FARP1: variants seen among roughly 807,000 people sequenced by gnomAD.
FARP1 encodes the protein FERM, ARHGEF and pleckstrin domain-containing protein 1.
FARP1 carries 52 observed loss-of-function variants against 128.8 expected under a neutral mutation model. The observed-to-expected ratio is 0.40, with a 90% CI of 0.32 to 0.51. The LOEUF is 0.51. Ranked by LOEUF, FARP1 falls within the 20% of genes least tolerant of loss-of-function variation. FARP1 has a pLI of 0.45. For missense variants in FARP1, 1,333 were observed against 1,367.9 expected, an observed-to-expected ratio of 0.97 and a Z score of 0.40; for synonymous variants, 580 against 551.8, an observed-to-expected ratio of 1.05 and a Z score of -0.72.
chr13:98,183,140 T>G (rs1005641402), intron 1 of FARP1, among the ~76,000 whole-genome samples: 1 of 152,234 alleles, frequency 6.6e-6, no homozygotes, highest in Non-Finnish European at 1.5e-5. Flanking sequence ...CATCTATTCT[T>G]ATTATCATTT....
Position 98,343,822 on chromosome 13 carries a change from G to C in FARP1, c.232G>C (p.Gly78Arg). The C allele has an allele frequency of 6.2e-7, 1 of 1,613,878 alleles. No individual in the cohort carries two copies. The highest frequency in any genetic ancestry group is 1.1e-5 in the South Asian group (1 of 91,076). ...AVCNHLNLVE[G>R]DYFGLEFPDH... ...TTGCAACCACCTCAACCTCGTGGAA[G>C]GTGACTATTTTGGCCTCGAGTTTCC... Residue 78 changes from glycine to arginine, a missense_variant, in exon 3 of 27, where the codon GGT (glycine) becomes CGT (arginine). Physicochemically the swap from Gly to Arg is moderately radical, Grantham distance 125. Transcript: ENST00000319562.
At chr13:98,415,787 C>A (rs1891351809) in intron 16 of FARP1, among the ~76,000 whole-genome samples, 1 of 152,260 alleles carries the variant, frequency 6.6e-6, no homozygotes, top group Admixed American at 6.5e-5. Context: ...TATGTGTACC[C>A]ATGCCTTTCC....
At chr13:98,209,583 G>C (rs1880533846) in intron 1 of FARP1, among the ~76,000 whole-genome samples, 1 of 143,274 alleles carries the variant, frequency 7.0e-6, no homozygotes, top group Non-Finnish European at 1.5e-5. Flanking sequence ...GATTACTTGA[G>C]GTCAGGAGTT....
chr13:98,320,397 A>G (rs1886938235), intron 2 of FARP1, among the ~76,000 whole-genome samples: 1 of 152,212 alleles, frequency 6.6e-6, no homozygotes, highest in Admixed American at 6.5e-5. Context: ...ACTTGGGAAT[A>G]ACACCTGTGC....
chr13:98,162,427 T>C (rs1472372054), intron 1 of FARP1, among the ~76,000 whole-genome samples: 1 of 152,208 alleles, frequency 6.6e-6, no homozygotes, highest in Non-Finnish European at 1.5e-5. Context: ...TGTTTGCGTT[T>C]GTGCCGCTAT....
intron 2 of FARP1, among the ~76,000 whole-genome samples, chr13:98,308,542 G>A (rs369539866): frequency 2.6e-5 from 4 of 152,296 alleles, no homozygotes; most frequent in African/African-American, 7.2e-5. Context: ...CTGAGACATG[G>A]CTCCTCCAGA....
intron 2 of FARP1, among the ~76,000 whole-genome samples, chr13:98,254,049 G>C (rs1883475623): frequency 6.6e-6 from 1 of 152,142 alleles, no homozygotes; most frequent in South Asian, 2.1e-4. Context: ...GATCATTTCA[G>C]GGTTCTGAGA....
intron 1 of FARP1, among the ~76,000 whole-genome samples, chr13:98,190,055 C>G (rs546115592): frequency 6.6e-6 from 1 of 152,226 alleles, no homozygotes. Flanking sequence ...GTCCCTCCCC[C>G]TCATCCCTGC....
At chr13:98,193,530 C>T (rs187391470) in intron 1 of FARP1, among the ~76,000 whole-genome samples, 1 of 152,270 alleles carries the variant, frequency 6.6e-6, no homozygotes, top group African/African-American at 2.4e-5. Flanking sequence ...GTTTTCTTAT[C>T]CAAAAATAGG....
intron 1 of FARP1, among the ~76,000 whole-genome samples, chr13:98,182,983 C>G (rs916474621): frequency 6.6e-6 from 1 of 152,128 alleles, no homozygotes; most frequent in Non-Finnish European, 1.5e-5. Context: ...CTGGTATGTC[C>G]TATACCATAA....
intron 2 of FARP1, chr13:98,234,658 G>T (rs1334405462): frequency 6.6e-6 from 1 of 152,094 alleles, no homozygotes; most frequent in Non-Finnish European, 1.5e-5. Flanking sequence ...AAATATGTTT[G>T]CTTGCTCTTA....
At chr13:98,269,741 A>G (rs1332734139) in intron 2 of FARP1, among the ~76,000 whole-genome samples, 1 of 152,222 alleles carries the variant, frequency 6.6e-6, no homozygotes, top group Non-Finnish European at 1.5e-5. Flanking sequence ...TACTGGGACT[A>G]TATTGCCTGA....
chr13:98,230,765 T>C (rs942361163), intron 2 of FARP1, among the ~76,000 whole-genome samples: 3 of 152,206 alleles, frequency 2.0e-5, no homozygotes, highest in African/African-American at 7.2e-5. Context: ...AGGAGATGCA[T>C]GCAGAAACAG....
At chr13:98,147,190 T>A in intron 1 of FARP1, among the ~76,000 whole-genome samples, 1 of 152,240 alleles carries the variant, frequency 6.6e-6, no homozygotes, top group Non-Finnish European at 1.5e-5. Context: ...GTGGATACTT[T>A]GAGCAAAAGT....
chr13:98,306,779 C>T (rs1886186884), intron 2 of FARP1, among the ~76,000 whole-genome samples: 1 of 152,168 alleles, frequency 6.6e-6, no homozygotes, highest in South Asian at 2.1e-4. Flanking sequence ...CTATGTTGGC[C>T]TCCCAAAGTA....
Position 98,265,058 on chromosome 13 carries a change from A to G in FARP1, c.171+51645A>G, listed in dbSNP as rs139837400. Among the ~76,000 whole-genome samples the G allele has an allele frequency of 5.3e-3, 811 of 152,254 alleles. 10 individuals carry two copies. Among genetic ancestry groups the G allele is most frequent in the Non-Finnish European group, 5.0e-3 (342 of 68,034 alleles). On this transcript the variant is annotated intron_variant, in intron 2 of 26. Coordinates refer to ENST00000319562, the MANE Select transcript of FARP1 (RefSeq NM_005766.4). ...TGGTCTTAGTTAACTTTGTAACCCAACTAGGTGCCAGTGGTGTTCCCGGCC... is the reference window on the plus strand; with the variant it reads ...TGGTCTTAGTTAACTTTGTAACCCAGCTAGGTGCCAGTGGTGTTCCCGGCC...
chr13:98,239,934 C>T (rs1882666290), intron 2 of FARP1, among the ~76,000 whole-genome samples: 1 of 152,112 alleles, frequency 6.6e-6, no homozygotes, highest in Non-Finnish European at 1.5e-5. Flanking sequence ...GACACCTGGG[C>T]AGGTAACTTC....
Position 98,435,608 on chromosome 13 carries a change from C to G in FARP1, c.2176C>G (p.Gln726Glu), listed in dbSNP as rs1436829471. The change falls in exon 19 of 27, where the codon CAG becomes GAG. Residue 726 changes from glutamine to glutamate, a missense_variant. Transcript: ENST00000319562. Reference protein sequence around the residue: ...ALAEITEMVAQLHGTMIKMEN... With the variant: ...ALAEITEMVAELHGTMIKMEN... ...GGCAGAGATCACGGAGATGGTGGCA[C>G]AGCTCCACGGTACGATGATCAAGAT... 1.9e-6 allele frequency: 3 copies of G among 1,613,772 alleles called. No individual in the cohort carries two copies. Among genetic ancestry groups the G allele is most frequent in the Non-Finnish European group, 1.7e-6 (2 of 1,179,842 alleles).
At chr13:98,208,209 G>A (rs1387343011) in intron 1 of FARP1, among the ~76,000 whole-genome samples, 1 of 151,904 alleles carries the variant, frequency 6.6e-6, no homozygotes, top group African/African-American at 2.4e-5. Context: ...AAAAAGAAGG[G>A]GCCAGCGTGG....
Sources: allele counts gnomAD v4.1 joint callset (sites outside exome capture counted in the v4.1 genomes callset), GRCh38; gene constraint gnomAD v4.1.1; transcripts MANE v1.5; gene names NCBI Gene and HGNC (gene_info 2026-07-23, HGNC 2026-07-21).